The following ATP6V0D2 variants were observed in gnomAD, a reference collection of about 807,000 sequenced individuals.
The protein encoded by ATP6V0D2 is V-type proton ATPase subunit d 2.
In ATP6V0D2, 40 loss-of-function variants were observed where a neutral mutation model predicts 40.0. That is an observed-to-expected ratio of 1.00 (90% CI 0.78 to 1.30). The LOEUF (loss-of-function observed/expected upper bound fraction) is 1.30, where lower values mean the gene tolerates loss of function less well. ATP6V0D2 is among the 50% of genes most tolerant of loss of function. ATP6V0D2 has a pLI of 0.00. For synonymous variants in ATP6V0D2, 179 were observed against 156.3 expected (o/e 1.15, Z -1.08); for missense variants, 470 against 423.1 (o/e 1.11, Z -0.97).
chr8:86,125,464 T>C (rs1165877001), intron 2 of ATP6V0D2, among the ~76,000 whole-genome samples: 1 of 152,212 alleles, frequency 6.6e-6, no homozygotes, highest in Non-Finnish European at 1.5e-5. Flanking sequence ...AGCACGTGTG[T>C]TTAAAAAATG....
intron 3 of ATP6V0D2, among the ~76,000 whole-genome samples, chr8:86,141,140 T>A (rs1476914320): frequency 6.6e-6 from 1 of 152,196 alleles, no homozygotes; most frequent in Non-Finnish European, 1.5e-5. Context: ...TAATTACAGT[T>A]GAAGCCACTC....
At chr8:86,149,412 GA>G (rs1328480626) in intron 5 of ATP6V0D2, among the ~76,000 whole-genome samples, 1 of 152,180 alleles carries the variant, frequency 6.6e-6, no homozygotes, top group African/African-American at 2.4e-5. Flanking sequence ...GTTCAGCACA[GA>G]GAAGACAGGC....
At position 86,152,948 on chromosome 8, in the gene ATP6V0D2, A is replaced by G; in HGVS notation, c.1024A>G (p.Lys342Glu). 1 of 1,607,538 alleles carries G rather than the reference A, an allele frequency of 6.2e-7. No homozygotes were observed. Among genetic ancestry groups the G allele is most frequent in the Non-Finnish European group, 8.5e-7 (1 of 1,178,024 alleles). ...ATGTATTTCACAGAGGCATCGAACT[A>G]AAATCAACAGTTACATTCCAATTTT... The part of the protein sequence containing the change: ...AECISQRHRT[K>E]INSYIPIL Residue 342 changes from lysine to glutamate, a missense_variant, in exon 8 of 8, where the codon AAA becomes GAA. Coordinates refer to ENST00000285393, the MANE Select transcript of ATP6V0D2 (RefSeq NM_152565.1).
intron 5 of ATP6V0D2, among the ~76,000 whole-genome samples, chr8:86,144,557 C>T (rs1008852856): frequency 5.9e-5 from 9 of 152,176 alleles, no homozygotes; most frequent in African/African-American, 2.2e-4. Flanking sequence ...CCCCTCAAAA[C>T]ATCTAATCAT....
At chr8:86,142,767 G>A (rs531445480) in intron 4 of ATP6V0D2, 110 bp from the exon 5 acceptor site, 9 of 627,794 alleles carry the variant, frequency 1.4e-5, no homozygotes, top group Middle Eastern at 4.5e-4. Context: ...TATGGGAGAT[G>A]TAATTCAGAT....
At position 86,152,864 on chromosome 8, in the gene ATP6V0D2, T is replaced by C. The variant is rs761202061; in HGVS notation, c.940T>C (p.Phe314Leu). 2.5e-6 allele frequency: 4 copies of C among 1,612,666 alleles called. No individual in the cohort carries two copies. The Admixed American group carries it at 5.0e-5, about 20-fold the overall frequency. Reference protein sequence around the residue: ...AFNRQFHYGVFYAYVKLKEQE... With the variant: ...AFNRQFHYGVLYAYVKLKEQE... Reference sequence around the variant, plus strand: ...CAACAGACAGTTCCACTACGGTGTGTTTTATGCATATGTAAAGCTGAAGGA... The same window carrying C: ...CAACAGACAGTTCCACTACGGTGTGCTTTATGCATATGTAAAGCTGAAGGA... Residue 314 changes from phenylalanine to leucine, a missense_variant, in exon 8 of 8, where the codon TTT becomes CTT. Phe to Leu is a conservative substitution (Grantham distance 22). Transcript: ENST00000285393.
At chr8:86,137,892 C>T (rs1448637713) in intron 2 of ATP6V0D2, among the ~76,000 whole-genome samples, 2 of 152,204 alleles carry the variant, frequency 1.3e-5, no homozygotes, top group African/African-American at 4.8e-5. Context: ...AATAATACGA[C>T]ATACCTCACA....
At chr8:86,143,357 A>G (rs1039440349) in intron 5 of ATP6V0D2, among the ~76,000 whole-genome samples, 2 of 152,230 alleles carry the variant, frequency 1.3e-5, no homozygotes, top group Non-Finnish European at 2.9e-5. Context: ...GGGTCCATAG[A>G]GTAAAGTGAA....
intron 2 of ATP6V0D2, among the ~76,000 whole-genome samples, chr8:86,126,986 T>C (rs1258159773): frequency 2.0e-5 from 3 of 152,218 alleles, no homozygotes; most frequent in Admixed American, 2.0e-4. Context: ...ATTATGGCAA[T>C]GCTGACTTGT....
intron 5 of ATP6V0D2, among the ~76,000 whole-genome samples, chr8:86,146,010 G>A (rs529199650): frequency 2.0e-5 from 3 of 152,246 alleles, no homozygotes; most frequent in South Asian, 4.2e-4. Flanking sequence ...CTTACCCGAC[G>A]TCTCACAGCT....
chr8:86,145,281 GA>G (rs1563566234), intron 5 of ATP6V0D2, among the ~76,000 whole-genome samples: 16 of 70,574 alleles, frequency 2.3e-4, no homozygotes, highest in Middle Eastern at 9.3e-3. Context: ...AAGAAAGAAA[GA>G]AAGAAAGAAA....
At chr8:86,115,709 C>G (rs182373889) in intron 2 of ATP6V0D2, among the ~76,000 whole-genome samples, 11 of 152,156 alleles carry the variant, frequency 7.2e-5, no homozygotes, top group Admixed American at 3.3e-4. Context: ...GACAGTATCT[C>G]TGCCCTTCAG....
chr8:86,107,793 G>A (rs985524756), intron 1 of ATP6V0D2, among the ~76,000 whole-genome samples: 2 of 152,166 alleles, frequency 1.3e-5, no homozygotes, highest in Admixed American at 1.3e-4. Context: ...TATTCAAAAC[G>A]GGAGTGAGCA....
chr8:86,140,843 T>A (rs974210773), intron 3 of ATP6V0D2, among the ~76,000 whole-genome samples: 5 of 152,196 alleles, frequency 3.3e-5, no homozygotes, highest in Non-Finnish European at 7.3e-5. Flanking sequence ...ACATTATTTC[T>A]GTAATTATTA....
intron 5 of ATP6V0D2, among the ~76,000 whole-genome samples, chr8:86,149,011 C>A (rs573756189): frequency 7.3e-6 from 1 of 136,624 alleles, no homozygotes; most frequent in East Asian, 2.2e-4. Flanking sequence ...CCCACCACTG[C>A]ACTCCAGCCT....
intron 2 of ATP6V0D2, among the ~76,000 whole-genome samples, chr8:86,124,172 G>A (rs1472984535): frequency 6.6e-6 from 1 of 152,120 alleles, no homozygotes; most frequent in Admixed American, 6.6e-5. Context: ...TAGTCAAAGG[G>A]GAGCAAGTGC....
At chr8:86,122,258 T>A (rs1818680787) in intron 2 of ATP6V0D2, among the ~76,000 whole-genome samples, 1 of 152,186 alleles carries the variant, frequency 6.6e-6, no homozygotes, top group Non-Finnish European at 1.5e-5. Context: ...CAAGGAAATG[T>A]CATCTTCGGT....
At position 86,129,443 on chromosome 8, in the gene ATP6V0D2, A is replaced by G. The variant is rs191516555; in HGVS notation, c.303-10014A>G. Among the ~76,000 whole-genome samples the G allele has an allele frequency of 3.9e-5, 6 of 152,314 alleles. No homozygotes were observed. In the East Asian group the frequency reaches 9.7e-4, roughly 25 times the overall value. ...GTAATCCCAGCACTTTGGGAGGCTG[A>G]GGTGGGAGGACTGCCTGAGCCCAGG... is the stretch of plus-strand genomic sequence containing the variant. On this transcript the variant is annotated intron_variant, in intron 2 of 7. Coordinates refer to ENST00000285393, the MANE Select transcript of ATP6V0D2 (RefSeq NM_152565.1).
intron 1 of ATP6V0D2, among the ~76,000 whole-genome samples, chr8:86,105,523 C>A (rs1179605287): frequency 6.6e-6 from 1 of 151,990 alleles, no homozygotes; most frequent in Non-Finnish European, 1.5e-5. Flanking sequence ...GTCTTGAACT[C>A]CTGAGCTCAA....
Sources: gnomAD v4.1 joint callset for allele counts (sites outside exome capture counted in the v4.1 genomes callset) on GRCh38, gnomAD v4.1.1 for gene constraint, MANE v1.5 for transcripts, NCBI Gene and HGNC (gene_info 2026-07-23, HGNC 2026-07-21) for gene names.